The following VPS33A variants were observed in gnomAD, a reference collection of about 807,000 sequenced individuals.
The protein encoded by VPS33A is vacuolar protein sorting-associated protein 33A.
In VPS33A, 32 loss-of-function variants were observed where a neutral mutation model predicts 71.8. The ratio of observed to expected loss-of-function variants is 0.45; its 90% CI spans 0.34 to 0.60. VPS33A has a LOEUF of 0.60. Ranked by LOEUF, VPS33A falls within the 20% of genes least tolerant of loss-of-function variation. The pLI, the probability that VPS33A is intolerant of heterozygous loss-of-function variation, is 0.02. For synonymous variants in VPS33A, 311 were observed against 292.7 expected (o/e 1.06, Z -0.64); for missense variants, 625 against 748.5 (o/e 0.84, Z 1.92).
chr12:122,239,490 G>C (rs571765149), intron 9 of VPS33A, among the ~76,000 whole-genome samples: 31 of 152,226 alleles, frequency 2.0e-4, no homozygotes, highest in East Asian at 3.9e-4. Flanking sequence ...AATCCCAACA[G>C]TTTGGGAGGC....
At chr12:122,265,860 A>G (rs1955061452) in intron 1 of VPS33A, 1 of 371,196 alleles carries the variant, frequency 2.7e-6, no homozygotes, top group Non-Finnish European at 5.6e-6. Flanking sequence ...AAAAGCCCAA[A>G]TGATTACAAC....
Position 122,232,160 on chromosome 12 carries a change from T to G in VPS33A, c.*86A>C. ...AATATATTCTGTATTCCCATGTTTC[T>G]TCTATGGGGTTTTACTTCCTTTCAG... On this transcript the variant is annotated 3_prime_UTR_variant, in exon 13 of 13. Transcript: ENST00000267199. 1 of 1,277,778 alleles carries G rather than the reference T, an allele frequency of 7.8e-7. No individual in the cohort carries two copies. Among genetic ancestry groups the G allele is most frequent in the Non-Finnish European group, 1.1e-6 (1 of 923,242 alleles). 79.2% of individuals were successfully genotyped at this position (1,277,778 alleles called of 1,614,324 possible). A position where few individuals can be genotyped will look rare whatever the true frequency, so the allele number is the denominator to read the frequency against.
In VPS33A at chr12:122,229,625, A is replaced by G. The variant is rs1228606211; in HGVS notation, c.*2621T>C. ...TGTAGAACTGTCTACCCAACTAGAC[A>G]AAAGTCCAGACATGATGTAAACAAT... is the stretch of plus-strand genomic sequence containing the variant. On this transcript the variant is annotated 3_prime_UTR_variant, in exon 13 of 13. Coordinates refer to ENST00000267199, the MANE Select transcript of VPS33A (RefSeq NM_022916.6). The G allele has an allele frequency of 6.6e-6, 1 of 152,242 alleles. No individual in the cohort carries two copies. Among genetic ancestry groups the G allele is most frequent in the East Asian group, 1.9e-4 (1 of 5,202 alleles). The allele number at this position is 152,242 out of a possible 1,614,324, so 9.4% of individuals were successfully genotyped here.
intron 4 of VPS33A, among the ~76,000 whole-genome samples, chr12:122,260,159 G>A (rs1039294466): frequency 6.6e-6 from 1 of 152,078 alleles, no homozygotes; most frequent in Admixed American, 6.6e-5. Flanking sequence ...CTGGGCATGG[G>A]GATTCTTTTC....
chr12:122,232,234 C>T lies in VPS33A; in HGVS notation c.*12G>A. The T allele has an allele frequency of 6.2e-7, 1 of 1,606,590 alleles. No homozygotes were observed. The highest frequency in any genetic ancestry group is 1.1e-5 in the South Asian group (1 of 89,586). Reference sequence around the variant, plus strand: ...ATTCTGCAGTACACTTGTTAAGTCTCCTCTGAACATCCTAGAAAGGTTTTT... The same window carrying T: ...ATTCTGCAGTACACTTGTTAAGTCTTCTCTGAACATCCTAGAAAGGTTTTT... On this transcript the variant is annotated 3_prime_UTR_variant, in exon 13 of 13. Coordinates refer to ENST00000267199, the MANE Select transcript of VPS33A (RefSeq NM_022916.6).
chr12:122,264,043 C>G, intron 2 of VPS33A, 91 bp downstream of exon 2: 3 of 1,186,760 alleles, frequency 2.5e-6, no homozygotes, highest in Non-Finnish European at 3.5e-6. Flanking sequence ...GCTTTGCAAA[C>G]CAATGATTCA....
chr12:122,255,984 C>T (rs1215530384), intron 4 of VPS33A, among the ~76,000 whole-genome samples: 1 of 151,842 alleles, frequency 6.6e-6, no homozygotes, highest in Non-Finnish European at 1.5e-5. Context: ...TTTGTAAAGA[C>T]AGGGCCTCAC....
chr12:122,252,130 C>T (rs1212093343), intron 4 of VPS33A, among the ~76,000 whole-genome samples: 3 of 147,056 alleles, frequency 2.0e-5, no homozygotes, highest in Non-Finnish European at 4.4e-5. Context: ...TAGTAGCATG[C>T]ATCTGTATCT....
intron 9 of VPS33A, among the ~76,000 whole-genome samples, chr12:122,239,379 A>T (rs898032569): frequency 2.3e-4 from 35 of 152,232 alleles, no homozygotes; most frequent in African/African-American, 8.2e-4. Flanking sequence ...TCTTGCACAG[A>T]ATAATGTTAA....
intron 3 of VPS33A, among the ~76,000 whole-genome samples, chr12:122,262,907 G>A (rs1317166601): frequency 1.3e-5 from 2 of 151,734 alleles, no homozygotes; most frequent in Non-Finnish European, 2.9e-5. Context: ...GGCATGCAAT[G>A]TGAAATAAGC....
chr12:122,265,029 C>T (rs374502844), intron 1 of VPS33A, among the ~76,000 whole-genome samples: 34 of 147,792 alleles, frequency 2.3e-4, no homozygotes, highest in African/African-American at 8.5e-4. Flanking sequence ...CTCAGGTGAT[C>T]TTCCCATCTC....
At chr12:122,255,067 A>G (rs1379545002) in intron 4 of VPS33A, among the ~76,000 whole-genome samples, 1 of 152,096 alleles carries the variant, frequency 6.6e-6, no homozygotes, top group African/African-American at 2.4e-5. Flanking sequence ...AAAAAAAAAA[A>G]AAAGAAAATA....
intron 4 of VPS33A, among the ~76,000 whole-genome samples, chr12:122,255,745 C>T (rs547594364): frequency 6.7e-6 from 1 of 148,652 alleles, no homozygotes; most frequent in Admixed American, 6.7e-5. Flanking sequence ...CAAGAAAGTC[C>T]CCTGGTTATA....
chr12:122,233,091 G>A, intron 11 of VPS33A, 123 bp from the exon 12 acceptor site: 1 of 1,093,436 alleles, frequency 9.1e-7, no homozygotes, highest in Non-Finnish European at 1.3e-6. Context: ...CCCCACCCCT[G>A]CCATGCCTTG....
chr12:122,252,758 A>C (rs2136141132), intron 4 of VPS33A: 1 of 152,296 alleles, frequency 6.6e-6, no homozygotes, highest in East Asian at 1.9e-4. Flanking sequence ...TTTGTGCCTC[A>C]ATTTATTCAT....
chr12:122,233,391 CATT>C (rs1954590197), intron 11 of VPS33A, among the ~76,000 whole-genome samples: 1 of 152,010 alleles, frequency 6.6e-6, no homozygotes, highest in South Asian at 2.1e-4. Context: ...ACTCCTGGCT[CATT>C]GTTGTATTTT....
intron 7 of VPS33A, among the ~76,000 whole-genome samples, chr12:122,242,903 A>G (rs1954733931): frequency 6.6e-6 from 1 of 152,188 alleles, no homozygotes; most frequent in Admixed American, 6.5e-5. Context: ...TGTTTCATTT[A>G]TATTAATGAG....
chr12:122,244,815 A>G (rs574046045), intron 6 of VPS33A, 53 bp from the exon 7 acceptor site: 5 of 1,543,340 alleles, frequency 3.2e-6, no homozygotes, highest in African/African-American at 1.4e-5. Context: ...TGGAAGAACC[A>G]ATCCGGTAAC....
rs777573548 is a variant in VPS33A, at chr12:122,263,679, C to T, written c.189G>A (p.Met63Ile). The change falls in exon 3 of 13, where the codon ATG becomes ATA. Residue 63 changes from methionine to isoleucine, a missense_variant. Coordinates refer to ENST00000267199, the MANE Select transcript of VPS33A (RefSeq NM_022916.6). ...GCAAACGATTTCCTTTAAGTGTGAA[C>T]ATTTTTTCCACTTCATGTTCCTAGG... ...SLLKEHEVEK[M>I]FTLKGNRLPA... 4.3e-6 allele frequency: 7 copies of T among 1,610,600 alleles called. No homozygotes were observed. Among genetic ancestry groups the T allele is most frequent in the Non-Finnish European group, 5.9e-6 (7 of 1,177,698 alleles).
Sources: allele counts gnomAD v4.1 joint callset (sites outside exome capture counted in the v4.1 genomes callset), GRCh38; gene constraint gnomAD v4.1.1; transcripts MANE v1.5; gene names NCBI Gene and HGNC (gene_info 2026-07-23, HGNC 2026-07-21).